Variants in BEND6 observed in about 807,000 individuals in gnomAD.
The protein encoded by BEND6 is BEN domain containing 6, also known as BEN domain-containing protein 6.
In BEND6, 24 loss-of-function variants were observed where a neutral mutation model predicts 31.8. The observed-to-expected ratio is 0.75, with a 90% CI of 0.55 to 1.06. BEND6 has a LOEUF of 1.06. Ranked by LOEUF, BEND6 falls within the 50% of genes least tolerant of loss-of-function variation. The probability of loss-of-function intolerance (pLI) is 0.00; values close to 1 mark genes in which losing one functional copy is unlikely to be tolerated. For synonymous variants in BEND6, 109 were observed against 114.6 expected (o/e 0.95, Z 0.31); for missense variants, 294 against 327.4 (o/e 0.90, Z 0.79).
At chr6:56,976,808 G>T (rs530489072) in intron 1 of BEND6, among the ~76,000 whole-genome samples, 1 of 152,092 alleles carries the variant, frequency 6.6e-6, no homozygotes, top group South Asian at 2.1e-4. Flanking sequence ...TAAGTGATCC[G>T]CCTGCCTCAG....
chr6:56,992,345 G>A (rs1826535578), intron 2 of BEND6, 33 bp from the exon 3 acceptor site: 2 of 1,562,730 alleles, frequency 1.3e-6, no homozygotes, highest in Non-Finnish European at 8.6e-7. Flanking sequence ...GATGCTATGA[G>A]GCTTCTTTTA....
chr6:56,978,023 G>T (rs930712809), intron 1 of BEND6, among the ~76,000 whole-genome samples: 7 of 151,862 alleles, frequency 4.6e-5, no homozygotes, highest in African/African-American at 1.7e-4. Context: ...CTAATGCTTT[G>T]GGAGGCCAAA....
chr6:56,990,068 CATGTGTGT>C (rs1243025404), intron 2 of BEND6, among the ~76,000 whole-genome samples: 4 of 151,902 alleles, frequency 2.6e-5, no homozygotes, highest in East Asian at 1.9e-4. Context: ...TGTGTATGTG[CATGTGTGT>C]ATGTGTGTAT....
chr6:57,012,533 A>C (rs116372354), intron 3 of BEND6, among the ~76,000 whole-genome samples: 1,658 of 152,330 alleles, frequency 0.011, 19 homozygotes, highest in Non-Finnish European at 0.018. Context: ...CCCTTTACCT[A>C]TGTAATTTCT....
At chr6:56,964,752 C>G (rs908304115) in intron 1 of BEND6, among the ~76,000 whole-genome samples, 1 of 152,240 alleles carries the variant, frequency 6.6e-6, no homozygotes, top group Non-Finnish European at 1.5e-5. Context: ...CCACCTCTGT[C>G]TCCCAAGTAT....
chr6:56,959,116 G>A (rs1825199760), intron 1 of BEND6, among the ~76,000 whole-genome samples: 2 of 152,164 alleles, frequency 1.3e-5, no homozygotes, highest in African/African-American at 4.8e-5. Context: ...AGAGAAGGGA[G>A]AAGAGGACAT....
rs1445966949 is a variant in BEND6 at position 56,955,308 on chromosome 6, G to A, written c.-253G>A. ...AGCTTCCGCCTATCCAGCCTCCCTCGGCCAAATTGCTGCGGAGCCCGTCGT... is the reference window on the plus strand; with the variant it reads ...AGCTTCCGCCTATCCAGCCTCCCTCAGCCAAATTGCTGCGGAGCCCGTCGT... On this transcript the variant is annotated 5_prime_UTR_variant, in exon 1 of 7. Coordinates refer to ENST00000370746, the MANE Select transcript of BEND6 (RefSeq NM_152731.3). The A allele has an allele frequency of 6.6e-6, 1 of 152,188 alleles. No homozygotes were observed. Among genetic ancestry groups the A allele is most frequent in the Non-Finnish European group, 1.5e-5 (1 of 68,074 alleles). The allele number at this position is 152,188 out of a possible 1,614,324, so 9.4% of individuals were successfully genotyped here. A position where few individuals can be genotyped will look rare whatever the true frequency, so the allele number is the denominator to read the frequency against.
chr6:57,020,624 G>T (rs1487859496), intron 6 of BEND6, among the ~76,000 whole-genome samples: 1 of 152,020 alleles, frequency 6.6e-6, no homozygotes, highest in Non-Finnish European at 1.5e-5. Context: ...GTTTCACCAT[G>T]TTGGCCAGGC....
chr6:57,013,558 G>A (rs1418111469), intron 3 of BEND6, among the ~76,000 whole-genome samples: 1 of 152,126 alleles, frequency 6.6e-6, no homozygotes, highest in Non-Finnish European at 1.5e-5. Flanking sequence ...TCAAGCTGTG[G>A]CCAGCTGCCA....
chr6:57,001,469 A>G (rs1826943534), intron 3 of BEND6, among the ~76,000 whole-genome samples: 1 of 152,168 alleles, frequency 6.6e-6, no homozygotes. Flanking sequence ...GGCAAGAAAA[A>G]AAATCTTAAA....
chr6:57,018,415 T>C lies in BEND6; in HGVS notation c.713-6T>C. On this transcript the variant is annotated splice_region_variant and splice_polypyrimidine_tract_variant and intron_variant, in intron 5 of 6. Transcript: ENST00000370746. Reference sequence around the variant, plus strand: ...TTTCTCATGTGTCGCTATTGGTTTTTTACAGGAGTAACAAAACAATTATTT... The same window carrying C: ...TTTCTCATGTGTCGCTATTGGTTTTCTACAGGAGTAACAAAACAATTATTT... 6.3e-7 allele frequency: 1 copy of C among 1,581,516 alleles called. No homozygotes were observed. The highest frequency in any genetic ancestry group is 8.5e-7 in the Non-Finnish European group (1 of 1,170,130).
intron 3 of BEND6, among the ~76,000 whole-genome samples, chr6:57,007,276 A>C (rs1383468512): frequency 6.6e-6 from 1 of 151,846 alleles, no homozygotes; most frequent in Non-Finnish European, 1.5e-5. Context: ...AGATGGAGTG[A>C]GACCATGTCT....
intron 1 of BEND6, among the ~76,000 whole-genome samples, chr6:56,970,149 CA>C (rs550530864): frequency 2.0e-5 from 3 of 151,520 alleles, no homozygotes; most frequent in South Asian, 2.1e-4. Flanking sequence ...CTGTAACAGT[CA>C]AAAAAAATTT....
chr6:57,010,661 T>TAA, intron 3 of BEND6: 1 of 925,558 alleles, frequency 1.1e-6, no homozygotes, highest in Non-Finnish European at 1.3e-6. Context: ...GCTATTTTTG[T>TAA]TTCTGTTTAA....
chr6:56,996,284 T>A (rs1826707080), intron 3 of BEND6, among the ~76,000 whole-genome samples: 1 of 151,922 alleles, frequency 6.6e-6, no homozygotes, highest in African/African-American at 2.4e-5. Flanking sequence ...CCATCTCTAC[T>A]CAAAATACAA....
At chr6:56,976,388 T>A (rs914665283) in intron 1 of BEND6, among the ~76,000 whole-genome samples, 14 of 151,606 alleles carry the variant, frequency 9.2e-5, no homozygotes, top group African/African-American at 2.9e-4. Flanking sequence ...GTGGAGACAA[T>A]GTTTCACCGT....
At chr6:56,969,603 T>C (rs1479528930) in intron 1 of BEND6, among the ~76,000 whole-genome samples, 1 of 152,216 alleles carries the variant, frequency 6.6e-6, no homozygotes, top group Non-Finnish European at 1.5e-5. Flanking sequence ...GGTTTTGTTG[T>C]AGTGCTGTAC....
At chr6:56,961,258 C>G (rs1003908449) in intron 1 of BEND6, among the ~76,000 whole-genome samples, 2 of 152,134 alleles carry the variant, frequency 1.3e-5, no homozygotes, top group Non-Finnish European at 2.9e-5. Context: ...GGGGACTATC[C>G]GTCCATGGTT....
chr6:57,011,731 A>AAAAAG (rs1562556481), intron 3 of BEND6, among the ~76,000 whole-genome samples: 30 of 147,042 alleles, frequency 2.0e-4, no homozygotes, highest in African/African-American at 7.1e-4. Context: ...AAAAAAAAAA[A>AAAAAG]AAAAGAAAAA....
Sources: gnomAD v4.1 joint callset for allele counts (sites outside exome capture counted in the v4.1 genomes callset) on GRCh38, gnomAD v4.1.1 for gene constraint, MANE v1.5 for transcripts, NCBI Gene and HGNC (gene_info 2026-07-23, HGNC 2026-07-21) for gene names.